WDR72: variants seen among roughly 807,000 people sequenced by gnomAD.
WDR72 encodes WD repeat domain 72, also known as WD repeat-containing protein 72.
Under a neutral mutation model 124.2 loss-of-function variants are expected in WDR72, and 120 were observed. The observed-to-expected ratio is 0.97, with a 90% CI of 0.83 to 1.12. WDR72 has a LOEUF of 1.12. Among genes scored for constraint, WDR72 ranks in the 50% most tolerant of loss-of-function variants. The probability of loss-of-function intolerance (pLI) is 0.00; values close to 1 mark genes in which losing one functional copy is unlikely to be tolerated. For synonymous variants in WDR72, 452 were observed against 441.7 expected (o/e 1.02, Z -0.29); for missense variants, 1,387 against 1,278.8 (o/e 1.08, Z -1.29).
rs1490750782 is a variant in WDR72 at position 53,597,277 on chromosome 15, G to A, written c.2953-3C>T. On this transcript the variant is annotated splice_polypyrimidine_tract_variant and splice_region_variant and intron_variant, in intron 17 of 19. Transcript: ENST00000360509. ...ACAGCTTGTATTGCTTCAGTTACCT[G>A]TAAGGTATTTTTTTAAGTGAATTAT... 1.9e-6 allele frequency: 3 copies of A among 1,612,924 alleles called. No homozygotes were observed. In the African/African-American group the frequency reaches 4.0e-5, roughly 22 times the overall value.
chr15:53,545,916 C>T (rs1893433785), intron 18 of WDR72, among the ~76,000 whole-genome samples: 1 of 122,192 alleles, frequency 8.2e-6, no homozygotes, highest in Non-Finnish European at 1.7e-5. Context: ...TGAAAAAATG[C>T]TCATCATCAC....
At chr15:53,522,268 A>G (rs74015400) in intron 19 of WDR72, among the ~76,000 whole-genome samples, 7,602 of 152,138 alleles carry the variant, frequency 0.05, 427 homozygotes, top group African/African-American at 0.14. Flanking sequence ...CCCTGTCAAC[A>G]AAGGCTACAA....
At chr15:53,760,308 T>A (rs2019037534), upstream of WDR72, among the ~76,000 whole-genome samples, 1 of 147,298 alleles carries the variant, frequency 6.8e-6, no homozygotes. Flanking sequence ...CATTTCCACC[T>A]CCACCCGACT....
chr15:53,760,016 CTT>C (rs34013041), upstream of WDR72, among the ~76,000 whole-genome samples: 6,592 of 138,500 alleles, frequency 0.048, 424 homozygotes, highest in African/African-American at 0.15. Context: ...AGGCCTCAAC[CTT>C]TTTTTTTTTT....
Position 53,719,130 on chromosome 15 carries a change from T to C in WDR72, c.261-2445A>G, listed in dbSNP as rs150908564. On this transcript the variant is annotated intron_variant, in intron 3 of 19. Transcript: ENST00000360509. ...ATTCTTATTTTTCATATTTGTGTGC[T>C]TATAACACTATAGTTTTGATCAAAC... Among the ~76,000 whole-genome samples, 760 of 152,308 alleles carry C rather than the reference T, an allele frequency of 5.0e-3. 10 individuals carry two copies. Among genetic ancestry groups the C allele is most frequent in the South Asian group, 0.048 (234 of 4,832 alleles).
At chr15:53,532,679 T>C (rs1049989851) in intron 18 of WDR72, among the ~76,000 whole-genome samples, 2 of 151,876 alleles carry the variant, frequency 1.3e-5, no homozygotes, top group Non-Finnish European at 1.5e-5. Context: ...GGTTAATGAG[T>C]ACAAAAATAC....
chr15:53,523,207 A>G lies in WDR72; in HGVS notation c.3253+11T>C, dbSNP rs1204711049. The G allele has an allele frequency of 6.2e-7, 1 of 1,611,788 alleles. No individual in the cohort carries two copies. Among genetic ancestry groups the G allele is most frequent in the South Asian group, 1.1e-5 (1 of 91,046 alleles). On this transcript the variant is annotated intron_variant, in intron 19 of 19. Coordinates refer to ENST00000360509, the MANE Select transcript of WDR72 (RefSeq NM_182758.4). The stretch of plus-strand genomic sequence containing the variant: ...TCATTTTATACTTGACTATTTTTAA[A>G]TGGCTTTCACCTGGACTCTCAGACT...
At chr15:53,689,543 A>G (rs561343571) in intron 13 of WDR72, among the ~76,000 whole-genome samples, 3,568 of 145,102 alleles carry the variant, frequency 0.025, 166 homozygotes, top group African/African-American at 0.094. Flanking sequence ...TTAGAATGGC[A>G]ATCATTAAAA....
intron 13 of WDR72, among the ~76,000 whole-genome samples, chr15:53,679,282 T>C (rs1276523081): frequency 6.6e-6 from 1 of 152,214 alleles, no homozygotes; most frequent in African/African-American, 2.4e-5. Flanking sequence ...GCCACTGAAC[T>C]GTACCCTTCA....
At chr15:53,595,964 G>A (rs74017472) in intron 18 of WDR72, among the ~76,000 whole-genome samples, 2 of 151,998 alleles carry the variant, frequency 1.3e-5, no homozygotes, top group Non-Finnish European at 2.9e-5. Context: ...TACCTGTTTT[G>A]ATCTCTGGCC....
intron 18 of WDR72, among the ~76,000 whole-genome samples, chr15:53,593,259 C>T (rs538313477): frequency 6.6e-6 from 1 of 152,126 alleles, no homozygotes; most frequent in South Asian, 2.1e-4. Flanking sequence ...AATCACTTAG[C>T]AAATTATTTG....
chr15:53,719,289 T>C (rs924631048), intron 3 of WDR72, among the ~76,000 whole-genome samples: 31 of 152,166 alleles, frequency 2.0e-4, no homozygotes, highest in Non-Finnish European at 8.8e-5. Flanking sequence ...TTTGGCATTC[T>C]CAGCCTCCTC....
chr15:53,689,797 C>T (rs2016775085), intron 13 of WDR72, among the ~76,000 whole-genome samples: 1 of 151,946 alleles, frequency 6.6e-6, no homozygotes, highest in African/African-American at 2.4e-5. Context: ...TTCACAATAG[C>T]AAAGACTTGG....
intron 14 of WDR72, among the ~76,000 whole-genome samples, chr15:53,651,623 T>C (rs1470456919): frequency 6.6e-6 from 1 of 152,106 alleles, no homozygotes; most frequent in African/African-American, 2.4e-5. Flanking sequence ...AGTGGCAAAA[T>C]AATTAGGCAA....
chr15:53,616,334 T>A, intron 14 of WDR72, 91 bp from the exon 15 acceptor site: 1 of 1,102,290 alleles, frequency 9.1e-7, no homozygotes, highest in Non-Finnish European at 1.3e-6. Context: ...TAAAAAGTAT[T>A]ACATTGCAGA....
rs761682898 is a variant in WDR72 at position 53,722,906 on chromosome 15, A to G, written c.156T>C (p.Ile52=). ...CLWNLSHELK[I]SAKELLFGHS... ...GACCAAATAGGAGTTCTTTCGCTGA[A>G]ATCTGAAAATAATGAGAGTGAGCTT... Residue 52 remains isoleucine (I), a splice_region_variant and synonymous_variant, in exon 3 of 20, where the codon ATT becomes ATC. Coordinates refer to ENST00000360509, the MANE Select transcript of WDR72 (RefSeq NM_182758.4). 1.4e-5 allele frequency: 22 copies of G among 1,613,842 alleles called. 1 individual carries two copies. The South Asian group carries it at 2.4e-4, about 18-fold the overall frequency.
In WDR72 at chr15:53,536,032, A is replaced by T. The variant is rs78383612; in HGVS notation, c.3149-12710T>A. On this transcript the variant is annotated intron_variant, in intron 18 of 19. Coordinates refer to ENST00000360509, the MANE Select transcript of WDR72 (RefSeq NM_182758.4). ...CAGCGCTTGATGAATCTGAGTCCAGAAAACAGTTCACAGATTGAGGAGTAG... is the reference window on the plus strand; with the variant it reads ...CAGCGCTTGATGAATCTGAGTCCAGTAAACAGTTCACAGATTGAGGAGTAG... 4.5e-3 allele frequency among the ~76,000 whole-genome samples: 687 copies of T among 152,298 alleles called. 21 individuals are homozygous for T. In the East Asian group the frequency reaches 0.05, roughly 11 times the overall value.
chr15:53,710,832 G>T, intron 9 of WDR72, 25 bp downstream of exon 9: 1 of 1,545,364 alleles, frequency 6.5e-7, no homozygotes. Context: ...ACAGCTTTGA[G>T]GCAGTCACTC....
upstream of WDR72, among the ~76,000 whole-genome samples, chr15:53,760,554 A>C (rs1203341951): frequency 3.9e-5 from 6 of 152,170 alleles, no homozygotes; most frequent in African/African-American, 1.2e-4. Flanking sequence ...GTGTATATGT[A>C]CCACATTTTT....
Sources: gnomAD v4.1 joint callset for allele counts (sites outside exome capture counted in the v4.1 genomes callset) on GRCh38, gnomAD v4.1.1 for gene constraint, MANE v1.5 for transcripts, NCBI Gene and HGNC (gene_info 2026-07-23, HGNC 2026-07-21) for gene names.